Variants in HLCS observed in about 807,000 individuals in gnomAD.
The protein encoded by HLCS is biotin--protein ligase.
A neutral mutation model predicts 75.0 loss-of-function variants in HLCS; 53 were observed. That is an observed-to-expected ratio of 0.71 (90% CI 0.57 to 0.89). The LOEUF (loss-of-function observed/expected upper bound fraction) is 0.89, where lower values mean the gene tolerates loss of function less well. Ranked by LOEUF, HLCS falls within the 40% of genes least tolerant of loss-of-function variation. The pLI is 0.00. For synonymous variants in HLCS, 431 were observed against 428.6 expected, an observed-to-expected ratio of 1.01 and a Z score of -0.07; for missense variants, 966 against 1,074.0, an observed-to-expected ratio of 0.90 and a Z score of 1.41.
intron 6 of HLCS, among the ~76,000 whole-genome samples, chr21:36,771,628 C>A (rs544613155): frequency 1.3e-4 from 20 of 152,258 alleles, no homozygotes; most frequent in African/African-American, 4.8e-4. Flanking sequence ...AGATGACCAC[C>A]GGACACTTTT....
chr21:36,885,991 A>C (rs568714059), intron 6 of HLCS, among the ~76,000 whole-genome samples: 1 of 152,310 alleles, frequency 6.6e-6, no homozygotes, highest in East Asian at 1.9e-4. Flanking sequence ...AAGTAATGTA[A>C]AATGAATGAA....
intron 1 of HLCS, among the ~76,000 whole-genome samples, chr21:36,973,058 A>AC (rs1369319469): frequency 8.3e-6 from 1 of 120,702 alleles, no homozygotes; most frequent in Non-Finnish European, 1.9e-5. Context: ...TCTATGAAAA[A>AC]AAAAACAAAA....
intron 5 of HLCS, among the ~76,000 whole-genome samples, chr21:36,923,967 C>G (rs2066288906): frequency 6.6e-6 from 1 of 152,212 alleles, no homozygotes; most frequent in South Asian, 2.1e-4. Context: ...TTGCTTTAAT[C>G]TGCTAGCTGC....
intron 6 of HLCS, among the ~76,000 whole-genome samples, chr21:36,895,522 C>T (rs61205494): frequency 0.13 from 19,631 of 152,068 alleles, 2,563 homozygotes; most frequent in African/African-American, 0.33. Flanking sequence ...CGGCTCACAG[C>T]TCCCCTCCCA....
rs1233232269 is a variant in HLCS at position 36,896,954 on chromosome 21, A to G, written c.1798T>C (p.Leu600=). 1 of 1,614,174 alleles carries G rather than the reference A, an allele frequency of 6.2e-7. No homozygotes were observed. Among genetic ancestry groups the G allele is most frequent in the Non-Finnish European group, 8.5e-7 (1 of 1,180,028 alleles). Residue 600 remains leucine, a synonymous_variant, in exon 6 of 11, where the codon TTA becomes CTA. Transcript: ENST00000674895. ...MEAFSSEHFN[L]EIYRQNLQTK... ...TGCAGATTTTGGCGATAGATCTCTAAGTTGAAATGTTCTGATGAGAAGGCC... is the reference window on the plus strand; with the variant it reads ...TGCAGATTTTGGCGATAGATCTCTAGGTTGAAATGTTCTGATGAGAAGGCC...
At chr21:36,850,787 G>A (rs2062971874) in intron 6 of HLCS, among the ~76,000 whole-genome samples, 1 of 152,158 alleles carries the variant, frequency 6.6e-6, no homozygotes. Flanking sequence ...TTGAATTCTT[G>A]CCCTCAAATG....
At chr21:36,960,378 A>G (rs561237672) in intron 2 of HLCS, among the ~76,000 whole-genome samples, 1 of 152,280 alleles carries the variant, frequency 6.6e-6, no homozygotes, top group East Asian at 1.9e-4. Flanking sequence ...TAACGTTTAT[A>G]AAATACCTAG....
chr21:36,977,186 T>G (rs2068961103), intron 1 of HLCS, among the ~76,000 whole-genome samples: 1 of 152,040 alleles, frequency 6.6e-6, no homozygotes, highest in African/African-American at 2.4e-5. Flanking sequence ...AAAGCAAATT[T>G]ATCTTCGTCC....
At chr21:36,975,415 G>A (rs886123700) in intron 1 of HLCS, among the ~76,000 whole-genome samples, 1 of 152,006 alleles carries the variant, frequency 6.6e-6, no homozygotes, top group African/African-American at 2.4e-5. Flanking sequence ...CCCGGTGCCC[G>A]TCCCCTGTTT....
At chr21:36,931,156 G>A (rs4817828) in intron 4 of HLCS, among the ~76,000 whole-genome samples, 83,801 of 151,640 alleles carry the variant, frequency 0.55, 23,462 homozygotes, top group East Asian at 0.63. Context: ...GGTTGCATGA[G>A]CCTGTAATCC....
chr21:36,894,992 G>C (rs778717004), intron 6 of HLCS, among the ~76,000 whole-genome samples: 1 of 152,080 alleles, frequency 6.6e-6, no homozygotes, highest in Non-Finnish European at 1.5e-5. Context: ...GGATGTGCGG[G>C]AGCCTCAGCC....
chr21:36,938,733 G>A lies in HLCS; in HGVS notation c.493+99C>T, dbSNP rs575643556. The A allele has an allele frequency of 1.7e-5, 21 of 1,232,572 alleles. 1 individual carries two copies. The highest frequency in any genetic ancestry group is 8.4e-5 in the South Asian group (7 of 83,130). 76.4% of individuals were successfully genotyped at this position (1,232,572 alleles called of 1,614,324 possible). A position where few individuals can be genotyped will look rare whatever the true frequency, so the allele number is the denominator to read the frequency against. ...GCTCAGGCTGGTCTCGAACTCCTGGGCTCCAAGCGATCCTCCTGCCTCGGC... is the reference window on the plus strand; with the variant it reads ...GCTCAGGCTGGTCTCGAACTCCTGGACTCCAAGCGATCCTCCTGCCTCGGC... On this transcript the variant is annotated intron_variant, in intron 3 of 10. Coordinates refer to ENST00000674895, the MANE Select transcript of HLCS (RefSeq NM_001352514.2).
At chr21:36,846,731 T>C (rs2062812324) in intron 6 of HLCS, among the ~76,000 whole-genome samples, 1 of 152,204 alleles carries the variant, frequency 6.6e-6, no homozygotes, top group African/African-American at 2.4e-5. Flanking sequence ...CTTTTTACTT[T>C]TCAACCTTGA....
chr21:36,966,240 G>T (rs911949882), intron 1 of HLCS, among the ~76,000 whole-genome samples: 1 of 152,200 alleles, frequency 6.6e-6, no homozygotes, highest in African/African-American at 2.4e-5. Flanking sequence ...CCGGGAAGAG[G>T]CGACCGGGTC....
rs544177000 is a variant in HLCS at position 36,940,436 on chromosome 21, C to T, written c.331-1442G>A. On this transcript the variant is annotated intron_variant, in intron 2 of 10. Coordinates refer to ENST00000674895, the MANE Select transcript of HLCS (RefSeq NM_001352514.2). ...GAGTAATTCTCCCGCCTCAGCCTCC[C>T]GAGTAGCTGGGACAACAGGCTCGGG... Among the ~76,000 whole-genome samples, 10 of 152,270 alleles carry T rather than the reference C, an allele frequency of 6.6e-5. No individual in the cohort carries two copies. In the East Asian group the frequency reaches 9.6e-4, roughly 15 times the overall value.
At chr21:36,765,561 T>C (rs1240462696) in intron 7 of HLCS, among the ~76,000 whole-genome samples, 2 of 152,344 alleles carry the variant, frequency 1.3e-5, no homozygotes, top group South Asian at 2.1e-4. Context: ...AGCCACTGTT[T>C]AGAAGCAATT....
chr21:36,833,790 C>T (rs2062303618), intron 6 of HLCS, among the ~76,000 whole-genome samples: 1 of 151,822 alleles, frequency 6.6e-6, no homozygotes, highest in African/African-American at 2.4e-5. Flanking sequence ...CCAAAGATTC[C>T]CAACTAAAAT....
At chr21:36,929,243 AC>A (rs1418904691) in intron 5 of HLCS, among the ~76,000 whole-genome samples, 1 of 152,166 alleles carries the variant, frequency 6.6e-6, no homozygotes, top group African/African-American at 2.4e-5. Context: ...AGGCCAGGCC[AC>A]CTCACTCCCG....
chr21:36,896,004 C>G (rs1350779546), intron 6 of HLCS, among the ~76,000 whole-genome samples: 1 of 152,112 alleles, frequency 6.6e-6, no homozygotes, highest in Non-Finnish European at 1.5e-5. Flanking sequence ...AAAGGAAAAC[C>G]TGCAGTAAGA....
Sources: gnomAD v4.1 joint callset for allele counts (sites outside exome capture counted in the v4.1 genomes callset) on GRCh38, gnomAD v4.1.1 for gene constraint, MANE v1.5 for transcripts, NCBI Gene and HGNC (gene_info 2026-07-23, HGNC 2026-07-21) for gene names.